B4GALT1: variants seen among roughly 807,000 people sequenced by gnomAD.
B4GALT1 encodes beta-1,4-galactosyltransferase 1.
B4GALT1 carries 16 observed loss-of-function variants against 34.9 expected under a neutral mutation model. That is an observed-to-expected ratio of 0.46 (90% CI 0.31 to 0.70). The LOEUF (loss-of-function observed/expected upper bound fraction) is 0.70. Ranked by LOEUF, B4GALT1 falls within the 30% of genes least tolerant of loss-of-function variation. B4GALT1 has a pLI of 0.05. For missense variants in B4GALT1, 445 were observed against 530.5 expected, an observed-to-expected ratio of 0.84 and a Z score of 1.58; for synonymous variants, 221 against 218.1, an observed-to-expected ratio of 1.01 and a Z score of -0.12.
At chr9:33,131,069 C>A (rs565157099) in intron 2 of B4GALT1, among the ~76,000 whole-genome samples, 47 of 152,300 alleles carry the variant, frequency 3.1e-4, no homozygotes, top group Non-Finnish European at 2.1e-4. Flanking sequence ...AGGTCACTGA[C>A]TGTAAAGTGG....
intron 2 of B4GALT1, among the ~76,000 whole-genome samples, chr9:33,124,352 C>CACA (rs1262895030): frequency 1.3e-5 from 2 of 152,216 alleles, no homozygotes; most frequent in Non-Finnish European, 2.9e-5. Flanking sequence ...CAGTGACAGA[C>CACA]ACATGCATTT....
chr9:33,136,538 G>A (rs12346594), intron 1 of B4GALT1, among the ~76,000 whole-genome samples: 3,515 of 152,274 alleles, frequency 0.023, 61 homozygotes, highest in East Asian at 0.061. Context: ...AAATAAGAAC[G>A]GGAATGCTGC....
downstream of B4GALT1, among the ~76,000 whole-genome samples, chr9:33,109,500 G>C (rs554670286): frequency 1.2e-4 from 19 of 152,370 alleles, no homozygotes; most frequent in African/African-American, 4.6e-4. Context: ...TAGCTGGTTG[G>C]TCAGAAGTAT....
At chr9:33,133,027 C>T (rs1036639798) in intron 2 of B4GALT1, among the ~76,000 whole-genome samples, 37 of 152,062 alleles carry the variant, frequency 2.4e-4, no homozygotes, top group African/African-American at 8.0e-4. Flanking sequence ...CTCAGCCTCC[C>T]GAGTAGCTGG....
the B4GALT1 span, among the ~76,000 whole-genome samples, chr9:33,172,760 A>T: frequency 1.3e-5 from 2 of 152,068 alleles, no homozygotes; most frequent in Admixed American, 6.5e-5. Context: ...CATCTCTAAA[A>T]AATAAAGATA....
the B4GALT1 span, among the ~76,000 whole-genome samples, chr9:33,184,460 C>T: frequency 1.1e-3 from 173 of 152,210 alleles, 2 homozygotes; most frequent in African/African-American, 4.1e-3. Context: ...AGCTCTGTCG[C>T]CTGCAAGACA....
At chr9:33,144,018 T>C (rs1342760049) in intron 1 of B4GALT1, among the ~76,000 whole-genome samples, 1 of 151,744 alleles carries the variant, frequency 6.6e-6, no homozygotes, top group Non-Finnish European at 1.5e-5. Context: ...GTAGCTGGGA[T>C]CACAGTCACG....
upstream of B4GALT1, among the ~76,000 whole-genome samples, chr9:33,169,246 G>A (rs1301526627): frequency 6.6e-6 from 1 of 152,174 alleles, no homozygotes; most frequent in Non-Finnish European, 1.5e-5. Flanking sequence ...CAGAAACCCT[G>A]TTCAATCTGG....
chr9:33,167,380 G>A (rs894468218), upstream of B4GALT1: 16 of 531,822 alleles, frequency 3.0e-5, 1 homozygote, highest in African/African-American at 2.8e-4. Flanking sequence ...GGAGGGGCGG[G>A]GCCCCGGCGA....
chr9:33,169,278 A>G (rs1313023869), upstream of B4GALT1, among the ~76,000 whole-genome samples: 2 of 152,080 alleles, frequency 1.3e-5, no homozygotes, highest in Non-Finnish European at 2.9e-5. Flanking sequence ...CTCCCCACCC[A>G]CATCTGTCAC....
chr9:33,150,567 G>C (rs1426763018), intron 1 of B4GALT1, among the ~76,000 whole-genome samples: 1 of 152,140 alleles, frequency 6.6e-6, no homozygotes, highest in African/African-American at 2.4e-5. Flanking sequence ...ATAGATCAGT[G>C]GTTGCCTGGG....
chr9:33,166,834 G>A lies in B4GALT1; in HGVS notation c.336C>T (p.Ser112=), dbSNP rs1373216464. The change falls in exon 1 of 6, where the codon AGC becomes AGT. Residue 112 remains serine (S), a synonymous_variant. Transcript: ENST00000379731. ...PVVDSGPGPA[S]NLTSVPVPHT... is the part of the protein sequence containing the mutation. ...GGGGCACTGGGACCGAGGTCAAGTTGCTAGCGGGGCCAGGGCCAGAATCCA... is the reference window on the plus strand; with the variant it reads ...GGGGCACTGGGACCGAGGTCAAGTTACTAGCGGGGCCAGGGCCAGAATCCA... 1.3e-6 allele frequency: 2 copies of A among 1,554,844 alleles called. No homozygotes were observed. Among genetic ancestry groups the A allele is most frequent in the Admixed American group, 1.9e-5 (1 of 53,784 alleles).
At chr9:33,163,003 A>AGATAAC (rs1398063318) in intron 1 of B4GALT1, among the ~76,000 whole-genome samples, 1 of 152,218 alleles carries the variant, frequency 6.6e-6, no homozygotes, top group Non-Finnish European at 1.5e-5. Flanking sequence ...ACTGGCTTAC[A>AGATAAC]AGACTAGTTA....
At chr9:33,171,778 C>A (rs1840843937), upstream of B4GALT1, among the ~76,000 whole-genome samples, 1 of 152,160 alleles carries the variant, frequency 6.6e-6, no homozygotes, top group African/African-American at 2.4e-5. Flanking sequence ...TAGTCTCGAA[C>A]TCCTGAGCTC....
At chr9:33,121,732 T>A (rs1019189890) in intron 2 of B4GALT1, among the ~76,000 whole-genome samples, 9 of 152,110 alleles carry the variant, frequency 5.9e-5, no homozygotes, top group Admixed American at 1.3e-4. Context: ...CCCAGTTCCT[T>A]GAAGACTGCT....
chr9:33,150,421 A>AC (rs1365927051), intron 1 of B4GALT1, among the ~76,000 whole-genome samples: 1 of 151,912 alleles, frequency 6.6e-6, no homozygotes, highest in African/African-American at 2.4e-5. Context: ...TAAAAAAAAA[A>AC]AACAGAACTG....
chr9:33,119,941 C>T (rs968532283), intron 3 of B4GALT1, among the ~76,000 whole-genome samples: 7 of 152,088 alleles, frequency 4.6e-5, no homozygotes, highest in African/African-American at 1.7e-4. Flanking sequence ...TCCAGCACTT[C>T]GAGAGGCCAA....
At chr9:33,145,224 T>C (rs943357160) in intron 1 of B4GALT1, among the ~76,000 whole-genome samples, 1 of 152,134 alleles carries the variant, frequency 6.6e-6, no homozygotes, top group Non-Finnish European at 1.5e-5. Flanking sequence ...CCATCAATTT[T>C]AAAATAAGTT....
At chr9:33,152,371 A>AACATAACATAACATAACAT (rs71738839) in intron 1 of B4GALT1, among the ~76,000 whole-genome samples, 62 of 68,686 alleles carry the variant, frequency 9.0e-4, no homozygotes, top group Admixed American at 5.9e-4. Flanking sequence ...TAACATAACA[A>AACATAACATAACATAACAT]CTTCTACATA....
Sources: allele counts gnomAD v4.1 joint callset (sites outside exome capture counted in the v4.1 genomes callset), GRCh38; gene constraint gnomAD v4.1.1; transcripts MANE v1.5; gene names NCBI Gene and HGNC (gene_info 2026-07-23, HGNC 2026-07-21).